ZFAND3: variants seen among roughly 807,000 people sequenced by gnomAD.
The protein encoded by ZFAND3 is zinc finger AN1-type containing 3, also known as AN1-type zinc finger protein 3.
In ZFAND3, 10 loss-of-function variants were observed where a neutral mutation model predicts 29.6. That is an observed-to-expected ratio of 0.34 (90% CI 0.21 to 0.57). ZFAND3 has a LOEUF of 0.57. ZFAND3 is among the 20% of genes least tolerant of loss of function. The pLI is 0.86. For synonymous variants in ZFAND3, 128 were observed against 112.6 expected (o/e 1.14, Z -0.87); for missense variants, 230 against 304.5 (o/e 0.76, Z 1.82).
In ZFAND3 at chr6:37,825,999, ATTG is replaced by A. The variant is rs549123316; in HGVS notation, c.71+5989_71+5991del. 6.0e-4 allele frequency among the ~76,000 whole-genome samples: 91 copies of A among 152,100 alleles called. 1 individual carries two copies. In the South Asian group the frequency reaches 0.016, roughly 27 times the overall value. On this transcript the variant is annotated intron_variant, in intron 1 of 5. Coordinates refer to ENST00000287218, the MANE Select transcript of ZFAND3 (RefSeq NM_021943.3). ...TCACAGATTAAAATTGAGGTTAAAT[ATTG>A]TTGTTTTCTTTTTCACCCAGGCCTG...
At chr6:38,041,631 TTTCTTCTTCTTCTTCTTC>T (rs1193585476) in intron 2 of ZFAND3, among the ~76,000 whole-genome samples, 8 of 56,248 alleles carry the variant, frequency 1.4e-4, no homozygotes, top group African/African-American at 3.8e-4. Flanking sequence ...TTATCTACTT[TTTCTTCTTCTTCTTCTTC>T]TTCTTCTTCT....
At chr6:37,947,368 A>G (rs778215063) in intron 2 of ZFAND3, among the ~76,000 whole-genome samples, 1 of 152,150 alleles carries the variant, frequency 6.6e-6, no homozygotes, top group African/African-American at 2.4e-5. Flanking sequence ...TATTATTTAT[A>G]TGATTAAATT....
intron 2 of ZFAND3, among the ~76,000 whole-genome samples, chr6:37,968,630 A>G (rs1469827089): frequency 6.6e-6 from 1 of 152,154 alleles, no homozygotes; most frequent in Non-Finnish European, 1.5e-5. Context: ...CTCATTCCCA[A>G]GACCACATAC....
intron 2 of ZFAND3, among the ~76,000 whole-genome samples, chr6:38,011,805 T>A (rs1011909793): frequency 2.0e-5 from 3 of 152,180 alleles, no homozygotes; most frequent in Admixed American, 1.3e-4. Context: ...ATTATATCAT[T>A]TATGATCACA....
chr6:37,943,774 TA>T (rs543757797), intron 2 of ZFAND3, among the ~76,000 whole-genome samples: 18 of 152,204 alleles, frequency 1.2e-4, no homozygotes, highest in Non-Finnish European at 5.9e-5. Context: ...GCCCTTTTCT[TA>T]CCAAAACACT....
At chr6:37,942,504 A>T (rs1301418323) in intron 2 of ZFAND3, among the ~76,000 whole-genome samples, 1 of 152,150 alleles carries the variant, frequency 6.6e-6, no homozygotes, top group Non-Finnish European at 1.5e-5. Flanking sequence ...TATGAAACCA[A>T]TAGATATGTC....
intron 5 of ZFAND3, among the ~76,000 whole-genome samples, chr6:38,124,744 A>C (rs1765600964): frequency 6.6e-6 from 1 of 152,170 alleles, no homozygotes; most frequent in African/African-American, 2.4e-5. Context: ...TCTGGCCTCA[A>C]CCAGCCCAGA....
Position 38,153,552 on chromosome 6 carries a change from C to T in ZFAND3, c.*1163C>T. The T allele has an allele frequency of 1.0e-6, 1 of 985,544 alleles. No homozygotes were observed. Among genetic ancestry groups the T allele is most frequent in the Non-Finnish European group, 1.2e-6 (1 of 830,014 alleles). The allele number at this position is 985,544 out of a possible 1,614,324, so 61.0% of individuals were successfully genotyped here. A position where few individuals can be genotyped will look rare whatever the true frequency, so the allele number is the denominator to read the frequency against. Reference sequence around the variant, plus strand: ...CTAGAACAGCGGTTTGTGGCTGTGGCCCAGCTCCGAGAGTGATATTTGCTC... The same window carrying T: ...CTAGAACAGCGGTTTGTGGCTGTGGTCCAGCTCCGAGAGTGATATTTGCTC... On this transcript the variant is annotated 3_prime_UTR_variant, in exon 6 of 6. Transcript: ENST00000287218.
chr6:37,843,709 T>G (rs756111984), intron 1 of ZFAND3, among the ~76,000 whole-genome samples: 13 of 152,262 alleles, frequency 8.5e-5, no homozygotes, highest in Non-Finnish European at 1.0e-4. Flanking sequence ...TAAAAAACCT[T>G]TAATATACTC....
chr6:37,820,131 C>G, intron 1 of ZFAND3, 115 bp downstream of exon 1: 2 of 203,382 alleles, frequency 9.8e-6, no homozygotes, highest in Non-Finnish European at 1.5e-5. Context: ...GGGCCCAGCC[C>G]GGGCCTACGG....
rs539148624 is a variant in ZFAND3, at chr6:37,852,111, A to G, written c.71+32095A>G. 2.2e-3 allele frequency among the ~76,000 whole-genome samples: 333 copies of G among 152,334 alleles called. 1 individual carries two copies. Among genetic ancestry groups the G allele is most frequent in the African/African-American group, 7.6e-3 (315 of 41,578 alleles). ...TTCTAGCTGTAACAAAACCCAAACT[A>G]GGCTGTGCGACTGTAGCAAGTTATG... On this transcript the variant is annotated intron_variant, in intron 1 of 5. Transcript: ENST00000287218.
In ZFAND3 at chr6:37,846,713, T is replaced by TG. The variant is rs1258394437; in HGVS notation, c.71+26697_71+26698insG. 4.6e-5 allele frequency among the ~76,000 whole-genome samples: 7 copies of TG among 151,524 alleles called. No homozygotes were observed. In the East Asian group the frequency reaches 5.8e-4, roughly 13 times the overall value. On this transcript the variant is annotated intron_variant, in intron 1 of 5. Transcript: ENST00000287218. The stretch of plus-strand genomic sequence containing the variant: ...ATAATTTATACTTGTGATTTTTTTT[T>TG]TTTTGTTTTTTTTTTTGGAATGGAG...
chr6:38,103,577 TTCTC>T lies in ZFAND3; in HGVS notation c.362-12991_362-12988del, dbSNP rs140643193. The stretch of plus-strand genomic sequence containing the variant: ...TACACACTTCACGGACTTCTCAAGT[TTCTC>T]TCTTTTGGCAGATGAAAAATCTTGG... On this transcript the variant is annotated intron_variant, in intron 4 of 5. Coordinates refer to ENST00000287218, the MANE Select transcript of ZFAND3 (RefSeq NM_021943.3). 5.3e-3 allele frequency among the ~76,000 whole-genome samples: 748 copies of T among 141,992 alleles called. 5 individuals are homozygous for T. The highest frequency in any genetic ancestry group is 0.017 in the African/African-American group (669 of 38,728). 93.2% of individuals were successfully genotyped at this position (141,992 alleles called of 152,430 possible).
intron 5 of ZFAND3, among the ~76,000 whole-genome samples, chr6:38,141,131 A>G (rs1004506624): frequency 3.3e-5 from 5 of 152,222 alleles, no homozygotes; most frequent in African/African-American, 1.2e-4. Flanking sequence ...TATCGTGGTG[A>G]AAACAAGAAG....
At chr6:38,021,947 T>A (rs971045724) in intron 2 of ZFAND3, among the ~76,000 whole-genome samples, 4 of 152,192 alleles carry the variant, frequency 2.6e-5, no homozygotes, top group Admixed American at 2.6e-4. Context: ...AAATATAGGT[T>A]TATATATCAT....
At chr6:38,099,550 C>A (rs1002606491) in intron 4 of ZFAND3, among the ~76,000 whole-genome samples, 5 of 152,160 alleles carry the variant, frequency 3.3e-5, no homozygotes, top group Admixed American at 2.6e-4. Context: ...TCCATTAGCT[C>A]AATAGGACAG....
rs150265377 is a variant in ZFAND3 at position 37,873,632 on chromosome 6, G to T, written c.71+53616G>T. ...TTTAGAAGAAAAGCAGAATAGTGAAGGTCAGCTGGAAGATGGAAAATGATA... is the reference window on the plus strand; with the variant it reads ...TTTAGAAGAAAAGCAGAATAGTGAATGTCAGCTGGAAGATGGAAAATGATA... On this transcript the variant is annotated intron_variant, in intron 1 of 5. Coordinates refer to ENST00000287218, the MANE Select transcript of ZFAND3 (RefSeq NM_021943.3). 1.1e-4 allele frequency among the ~76,000 whole-genome samples: 17 copies of T among 152,322 alleles called. No homozygotes were observed. In the East Asian group the frequency reaches 3.3e-3, roughly 29 times the overall value.
At position 38,107,827 on chromosome 6, in the gene ZFAND3, T is replaced by G. The variant is rs58276607; in HGVS notation, c.362-8745T>G. 1.4e-3 allele frequency among the ~76,000 whole-genome samples: 218 copies of G among 152,140 alleles called. 1 individual carries two copies. Among genetic ancestry groups the G allele is most frequent in the African/African-American group, 4.4e-3 (181 of 41,486 alleles). On this transcript the variant is annotated intron_variant, in intron 4 of 5. Transcript: ENST00000287218. ...TAGCCTGAATGAATAAATAACCACC[T>G]GCTTAAAAGTTACAGGATACCATTG...
intron 4 of ZFAND3, among the ~76,000 whole-genome samples, chr6:38,096,319 C>A (rs903751097): frequency 2.0e-5 from 3 of 152,024 alleles, no homozygotes; most frequent in Non-Finnish European, 4.4e-5. Context: ...ATTACAGGCA[C>A]CTGCCACCAC....
Sources: allele counts gnomAD v4.1 joint callset (sites outside exome capture counted in the v4.1 genomes callset), GRCh38; gene constraint gnomAD v4.1.1; transcripts MANE v1.5; gene names NCBI Gene and HGNC (gene_info 2026-07-23, HGNC 2026-07-21).